The following TIMM23B variants were observed in gnomAD, a reference collection of about 807,000 sequenced individuals.
The protein encoded by TIMM23B is translocase of inner mitochondrial membrane 23 homolog B.
TIMM23B carries 27 observed loss-of-function variants against 27.3 expected under a neutral mutation model. The observed-to-expected ratio is 0.99, with a 90% CI of 0.73 to 1.36. The LOEUF (loss-of-function observed/expected upper bound fraction) is 1.36. TIMM23B is among the 40% of genes most tolerant of loss of function. TIMM23B has a pLI of 0.00. For missense variants in TIMM23B, 205 were observed against 244.2 expected (o/e 0.84, Z 1.07); for synonymous variants, 73 against 92.4 (o/e 0.79, Z 1.21).
Position 49,956,426 on chromosome 10 carries a change from CGTGTGTGTGTGTGTGTGTGTGT to C in TIMM23B, c.403+1389_403+1410del, listed in dbSNP as rs1173703740. On this transcript the variant is annotated intron_variant, in intron 5 of 6. Coordinates refer to ENST00000651259, the MANE Select transcript of TIMM23B (RefSeq NM_001290117.2). Reference sequence around the variant, plus strand: ...TCTATTTTTTCTTATACTAGAAATACGTGTGTGTGTGTGTGTGTGTGTGTGTGTGTGTGTGTGTGTGTGTATG... The same window carrying C: ...TCTATTTTTTCTTATACTAGAAATACGTGTGTGTGTGTGTGTGTGTGTATG... Among the ~76,000 whole-genome samples the C allele has an allele frequency of 4.6e-4, 52 of 113,966 alleles. 4 individuals are homozygous for C. The highest frequency in any genetic ancestry group is 3.0e-3 in the Admixed American group (33 of 11,042). 74.8% of individuals were successfully genotyped at this position (113,966 alleles called of 152,430 possible). A position where few individuals can be genotyped will look rare whatever the true frequency, so the allele number is the denominator to read the frequency against.
intron 3 of TIMM23B, 22 bp from the exon 4 acceptor site, chr10:49,952,427 G>A (rs1487348523): frequency 5.0e-6 from 8 of 1,611,786 alleles, no homozygotes; most frequent in Non-Finnish European, 5.9e-6. Flanking sequence ...TCTTATCTGG[G>A]TGAATTTTTA....
intron 4 of TIMM23B, among the ~76,000 whole-genome samples, chr10:49,953,723 A>C (rs1336841550): frequency 3.3e-5 from 5 of 152,056 alleles, no homozygotes; most frequent in Admixed American, 2.0e-4. Context: ...CAATATTTTT[A>C]TTACTTGTCC....
At chr10:49,960,833 T>C (rs1345869210) in intron 6 of TIMM23B, among the ~76,000 whole-genome samples, 1 of 152,204 alleles carries the variant, frequency 6.6e-6, no homozygotes, top group Non-Finnish European at 1.5e-5. Flanking sequence ...ATGATACATA[T>C]AAGGAAGTTG....
At chr10:49,962,456 C>T (rs1839953270) in intron 6 of TIMM23B, among the ~76,000 whole-genome samples, 2 of 152,186 alleles carry the variant, frequency 1.3e-5, no homozygotes, top group African/African-American at 4.8e-5. Flanking sequence ...CCACCTCAGC[C>T]TCCCAAAGTG....
chr10:49,958,168 C>A (rs1360099398), intron 5 of TIMM23B, among the ~76,000 whole-genome samples: 1 of 152,146 alleles, frequency 6.6e-6, no homozygotes, highest in African/African-American at 2.4e-5. Flanking sequence ...CAACAAAAGA[C>A]CTTCACCTTT....
chr10:49,959,754 T>TC (rs2133081644), intron 6 of TIMM23B, among the ~76,000 whole-genome samples: 1 of 152,178 alleles, frequency 6.6e-6, no homozygotes, highest in East Asian at 1.9e-4. Flanking sequence ...ATTTTTTTTT[T>TC]TTTCTTTCTT....
intron 2 of TIMM23B, among the ~76,000 whole-genome samples, chr10:49,945,446 T>C (rs1839325336): frequency 6.6e-6 from 1 of 152,206 alleles, no homozygotes; most frequent in African/African-American, 2.4e-5. Context: ...AGTAGCGCGA[T>C]CTCTGCTCAC....
chr10:49,964,384 G>C (rs1429140589), intron 6 of TIMM23B, among the ~76,000 whole-genome samples: 1 of 151,384 alleles, frequency 6.6e-6, no homozygotes, highest in Admixed American at 6.6e-5. Context: ...ATAATGAAAT[G>C]CCAGGTGTGG....
intron 2 of TIMM23B, among the ~76,000 whole-genome samples, chr10:49,946,431 A>G (rs1839357943): frequency 6.6e-6 from 1 of 150,992 alleles, no homozygotes; most frequent in Non-Finnish European, 1.5e-5. Context: ...TACAAATGAC[A>G]TGATCTTATC....
chr10:49,946,555 A>G (rs1459157768), intron 2 of TIMM23B, among the ~76,000 whole-genome samples: 4 of 152,180 alleles, frequency 2.6e-5, no homozygotes, highest in African/African-American at 7.2e-5. Context: ...AGTTGCAATG[A>G]ACACTACAAA....
intron 5 of TIMM23B, among the ~76,000 whole-genome samples, chr10:49,957,447 A>G (rs1839764700): frequency 6.6e-6 from 1 of 151,950 alleles, no homozygotes; most frequent in African/African-American, 2.4e-5. Flanking sequence ...AGAAGGGGGT[A>G]TCCCTATGTT....
intron 6 of TIMM23B, among the ~76,000 whole-genome samples, chr10:49,969,826 T>C (rs1343760240): frequency 6.6e-6 from 1 of 151,566 alleles, no homozygotes; most frequent in Non-Finnish European, 1.5e-5. Flanking sequence ...TTCCATGGTC[T>C]CCCTCTGATG....
intron 2 of TIMM23B, among the ~76,000 whole-genome samples, chr10:49,950,200 CTTTTTTTTTTT>C (rs1169522720): frequency 2.5e-5 from 3 of 117,990 alleles, no homozygotes; most frequent in African/African-American, 9.3e-5. Flanking sequence ...AAAGTTTTTT[CTTTTTTTTTTT>C]TTTTTTTTCC....
chr10:49,961,227 TAC>T (rs1378918313), intron 6 of TIMM23B, among the ~76,000 whole-genome samples: 1 of 147,896 alleles, frequency 6.8e-6, no homozygotes, highest in Non-Finnish European at 1.5e-5. Flanking sequence ...CCACTAAAAA[TAC>T]AAAATTAGCC....
rs1475801266 is a variant in TIMM23B at position 49,945,093 on chromosome 10, A to G, written c.165+3A>G. The G allele has an allele frequency of 3.5e-4, 565 of 1,611,868 alleles. 2 individuals are homozygous for G. In the African/African-American group the frequency reaches 6.9e-3, roughly 20 times the overall value. The stretch of plus-strand genomic sequence containing the variant: ...TGGATCCACGATACCTCGTGCAGGT[A>G]AGACTAAGATTTTACTAGTTTGGTG... On this transcript the variant is annotated splice_donor_region_variant and intron_variant, in intron 2 of 6. Coordinates refer to ENST00000651259, the MANE Select transcript of TIMM23B (RefSeq NM_001290117.2).
At chr10:49,949,388 T>TA (rs1466572496) in intron 2 of TIMM23B, among the ~76,000 whole-genome samples, 1 of 152,168 alleles carries the variant, frequency 6.6e-6, no homozygotes, top group African/African-American at 2.4e-5. Flanking sequence ...TGTTATATTT[T>TA]AACATTGGGT....
At chr10:49,953,999 G>C (rs1232790068) in intron 4 of TIMM23B, among the ~76,000 whole-genome samples, 5 of 152,086 alleles carry the variant, frequency 3.3e-5, no homozygotes, top group East Asian at 1.9e-4. Flanking sequence ...TAAAATGCTT[G>C]TTAAAAATGA....
At chr10:49,959,563 AC>A (rs1429493493) in intron 6 of TIMM23B, among the ~76,000 whole-genome samples, 16 of 152,152 alleles carry the variant, frequency 1.1e-4, no homozygotes, top group Non-Finnish European at 2.1e-4. Flanking sequence ...TAATCCACAT[AC>A]GTGATTTTTT....
At chr10:49,971,284 G>A (rs1386418433) in intron 6 of TIMM23B, among the ~76,000 whole-genome samples, 1 of 149,048 alleles carries the variant, frequency 6.7e-6, no homozygotes, top group African/African-American at 2.5e-5. Flanking sequence ...CTATGACCCT[G>A]CCAAATCCCC....
Sources: gnomAD v4.1 joint callset for allele counts (sites outside exome capture counted in the v4.1 genomes callset) on GRCh38, gnomAD v4.1.1 for gene constraint, MANE v1.5 for transcripts, NCBI Gene and HGNC (gene_info 2026-07-23, HGNC 2026-07-21) for gene names.